DCC: variants seen among roughly 807,000 people sequenced by gnomAD.
The protein encoded by DCC is netrin receptor DCC.
A neutral mutation model predicts 172.5 loss-of-function variants in DCC; 58 were observed. The observed-to-expected ratio is 0.34, with a 90% confidence interval of 0.27 to 0.42. DCC has a LOEUF of 0.42. Ranked by LOEUF, DCC falls within the 10% of genes least tolerant of loss-of-function variation. The pLI, the probability that DCC is intolerant of heterozygous loss-of-function variation, is 1.00. For missense variants in DCC, 1,740 were observed against 1,791.0 expected, an observed-to-expected ratio of 0.97 and a Z score of 0.51; for synonymous variants, 709 against 644.5, an observed-to-expected ratio of 1.10 and a Z score of -1.52.
intron 7 of DCC, among the ~76,000 whole-genome samples, chr18:53,132,071 T>G (rs1256691030): frequency 2.0e-5 from 3 of 150,946 alleles, no homozygotes; most frequent in Non-Finnish European, 4.4e-5. Flanking sequence ...GACACTTTTA[T>G]AGTGAAAGTG....
chr18:52,950,183 T>G (rs1021592353), intron 5 of DCC, among the ~76,000 whole-genome samples: 2 of 152,204 alleles, frequency 1.3e-5, no homozygotes, highest in South Asian at 4.1e-4. Context: ...GTCTCCTGAT[T>G]CATCAAGTTA....
chr18:53,071,655 T>G (rs2042652857), intron 7 of DCC, among the ~76,000 whole-genome samples: 1 of 152,228 alleles, frequency 6.6e-6, no homozygotes, highest in African/African-American at 2.4e-5. Context: ...TTGATTTATA[T>G]GATGTGTATT....
At chr18:52,973,519 A>G (rs1432577889) in intron 5 of DCC, among the ~76,000 whole-genome samples, 3 of 152,080 alleles carry the variant, frequency 2.0e-5, no homozygotes, top group Non-Finnish European at 4.4e-5. Context: ...ACATCCTTGC[A>G]TCTTTCATTT....
chr18:52,987,441 C>A (rs769562188), intron 5 of DCC, among the ~76,000 whole-genome samples: 3 of 152,118 alleles, frequency 2.0e-5, no homozygotes, highest in Non-Finnish European at 4.4e-5. Flanking sequence ...TAAGACCATC[C>A]CCTTGTGACT....
intron 13 of DCC, 128 bp from the exon 14 acceptor site, chr18:53,321,919 C>T (rs2057415658): frequency 1.4e-6 from 1 of 740,180 alleles, no homozygotes; most frequent in African/African-American, 1.7e-5. Flanking sequence ...TAATCATTAC[C>T]ACAACAGTCA....
chr18:52,836,924 C>T (rs77394401), intron 2 of DCC, among the ~76,000 whole-genome samples: 7,288 of 152,304 alleles, frequency 0.048, 601 homozygotes, highest in African/African-American at 0.17. Context: ...CCTGAACATC[C>T]AGGTGTCTCC....
intron 2 of DCC, among the ~76,000 whole-genome samples, chr18:52,824,193 G>C (rs556846647): frequency 2.0e-5 from 3 of 152,108 alleles, no homozygotes; most frequent in South Asian, 4.2e-4. Context: ...TCAATAAAGG[G>C]GAAAGTGATG....
At chr18:52,994,713 T>G (rs955743544) in intron 5 of DCC, among the ~76,000 whole-genome samples, 2 of 152,212 alleles carry the variant, frequency 1.3e-5, no homozygotes, top group Non-Finnish European at 2.9e-5. Context: ...GGTAGCCCAG[T>G]ATGCCAAATT....
chr18:52,729,331 C>G lies in DCC; in HGVS notation c.92-22723C>G, dbSNP rs148045042. Among the ~76,000 whole-genome samples the G allele has an allele frequency of 1.2e-3, 176 of 152,232 alleles. 4 individuals are homozygous for G. The East Asian group carries it at 0.028, about 24-fold the overall frequency. On this transcript the variant is annotated intron_variant, in intron 1 of 28. Transcript: ENST00000442544. ...CTGGAGTGCAGTGGTGCAATCTCGG[C>G]TCATTGCAACCTCTGCCTCCTGGGT...
At chr18:52,930,156 G>C (rs990507896) in intron 5 of DCC, among the ~76,000 whole-genome samples, 1 of 151,444 alleles carries the variant, frequency 6.6e-6, no homozygotes, top group Non-Finnish European at 1.5e-5. Context: ...GTAGAGACAG[G>C]GTCTGGTTAT....
rs2038179863 is a variant in DCC, at chr18:52,810,721, G to A, written c.412+58347G>A. 2.6e-5 allele frequency among the ~76,000 whole-genome samples: 4 copies of A among 152,198 alleles called. No individual in the cohort carries two copies. In the South Asian group the frequency reaches 8.3e-4, roughly 31 times the overall value. ...ACAGTGTAGAAAACCAATTAGGAAA[G>A]GGTAGGTATTTTTGAAACAGGTGAA... is the stretch of plus-strand genomic sequence containing the variant. On this transcript the variant is annotated intron_variant, in intron 2 of 28. Coordinates refer to ENST00000442544, the MANE Select transcript of DCC (RefSeq NM_005215.4).
intron 1 of DCC, among the ~76,000 whole-genome samples, chr18:52,425,876 T>C (rs1402426986): frequency 6.6e-6 from 1 of 152,130 alleles, no homozygotes; most frequent in Non-Finnish European, 1.5e-5. Flanking sequence ...GTTGAAAGAA[T>C]TTAATGAGTG....
At chr18:53,287,518 T>C (rs2056950320) in intron 12 of DCC, among the ~76,000 whole-genome samples, 1 of 152,196 alleles carries the variant, frequency 6.6e-6, no homozygotes, top group South Asian at 2.1e-4. Flanking sequence ...AAGGAACTGC[T>C]GGGTCATACT....
intron 2 of DCC, among the ~76,000 whole-genome samples, chr18:52,826,886 A>T (rs564786805): frequency 6.6e-6 from 1 of 152,350 alleles, no homozygotes; most frequent in African/African-American, 2.4e-5. Flanking sequence ...TTGTATCTGT[A>T]CTGAACATGT....
intron 1 of DCC, among the ~76,000 whole-genome samples, chr18:52,691,054 C>T (rs1165767848): frequency 6.6e-6 from 1 of 152,164 alleles, no homozygotes; most frequent in Non-Finnish European, 1.5e-5. Context: ...AGAAATGTCA[C>T]TGCCATGTAC....
intron 26 of DCC, among the ~76,000 whole-genome samples, chr18:53,492,945 A>G (rs773315982): frequency 2.0e-5 from 3 of 152,116 alleles, no homozygotes; most frequent in African/African-American, 7.2e-5. Flanking sequence ...GATTCTTCCT[A>G]TCTATGAGCA....
chr18:53,464,568 A>C (rs1311202073), intron 24 of DCC, among the ~76,000 whole-genome samples: 5 of 152,128 alleles, frequency 3.3e-5, no homozygotes, highest in African/African-American at 1.2e-4. Context: ...TAAAAGGAAA[A>C]AATCTTGTTT....
intron 7 of DCC, among the ~76,000 whole-genome samples, chr18:53,156,630 A>T (rs2144395027): frequency 6.6e-6 from 1 of 152,286 alleles, no homozygotes; most frequent in South Asian, 2.1e-4. Flanking sequence ...CTACAGTAAT[A>T]ACTGCCCCCA....
At chr18:53,105,463 A>C (rs1340319291) in intron 7 of DCC, among the ~76,000 whole-genome samples, 2 of 151,992 alleles carry the variant, frequency 1.3e-5, no homozygotes, top group African/African-American at 4.8e-5. Context: ...CTTGCTTTAT[A>C]ATGGGGCTCT....
Sources: allele counts gnomAD v4.1 joint callset (sites outside exome capture counted in the v4.1 genomes callset), GRCh38; gene constraint gnomAD v4.1.1; transcripts MANE v1.5; gene names NCBI Gene and HGNC (gene_info 2026-07-23, HGNC 2026-07-21).